The following PFKFB4 variants were observed in gnomAD, a reference collection of about 807,000 sequenced individuals.
PFKFB4 encodes the protein 6-phosphofructo-2-kinase/fructose-2,6-biphosphatase 4, also known as 6-phosphofructo-2-kinase/fructose-2,6-bisphosphatase 4.
PFKFB4 carries 42 observed loss-of-function variants against 62.8 expected under a neutral mutation model. The observed-to-expected ratio is 0.67, with a 90% CI of 0.52 to 0.86. The LOEUF is 0.86. Ranked by LOEUF, PFKFB4 falls within the 40% of genes least tolerant of loss-of-function variation. PFKFB4 has a pLI of 0.00. For missense variants in PFKFB4, 475 were observed against 627.2 expected (o/e 0.76, Z 2.59); for synonymous variants, 204 against 240.7 (o/e 0.85, Z 1.41).
rs2042017487 is a variant in PFKFB4 at position 48,519,370 on chromosome 3, A to G, written c.*377T>C. ...GGTCCATGCTGGGCAGCTGGGCCAC[A>G]GTAGGAACATCACAGCAAGCACTTT... On this transcript the variant is annotated 3_prime_UTR_variant, in exon 14 of 14. Coordinates refer to ENST00000232375, the MANE Select transcript of PFKFB4 (RefSeq NM_004567.4). 5.3e-6 allele frequency: 1 copy of G among 186,954 alleles called. No individual in the cohort carries two copies. Among genetic ancestry groups the G allele is most frequent in the Non-Finnish European group, 1.1e-5 (1 of 89,142 alleles). 11.6% of individuals were successfully genotyped at this position (186,954 alleles called of 1,614,324 possible).
chr3:48,539,416 T>C, intron 5 of PFKFB4, 106 bp from the exon 6 acceptor site: 1 of 1,003,752 alleles, frequency 1.0e-6, no homozygotes, highest in Non-Finnish European at 1.6e-6. Context: ...AGGCCCATGC[T>C]GACAAGCAGC....
At position 48,538,572 on chromosome 3, in the gene PFKFB4, C is replaced by T. The variant is rs753112897; in HGVS notation, c.558G>A (p.Glu186=). 13 of 1,614,078 alleles carry T rather than the reference C, an allele frequency of 8.1e-6. No homozygotes were observed. The highest frequency in any genetic ancestry group is 1.7e-5 in the Admixed American group (1 of 59,984). ...TGCGCCTCATGAAGTCCTCCGTAGCCTCATCACTGTCGCGGTTGACATAGT... is the reference window on the plus strand; with the variant it reads ...TGCGCCTCATGAAGTCCTCCGTAGCTTCATCACTGTCGCGGTTGACATAGT... The part of the protein sequence containing the change: ...SPDYVNRDSD[E]ATEDFMRRIE... Residue 186 remains glutamate (E), a synonymous_variant, in exon 7 of 14, where the codon GAG becomes GAA. Transcript: ENST00000232375.
At chr3:48,561,415 GC>G (rs2043432290), upstream of PFKFB4, among the ~76,000 whole-genome samples, 1 of 152,282 alleles carries the variant, frequency 6.6e-6, no homozygotes, top group African/African-American at 2.4e-5. This position sits in a 1 kb window ranked among gnomAD's most constrained non-coding sequence, Gnocchi z 5.2. Flanking sequence ...CAGAGTGCCT[GC>G]CCCCTCTGCG....
chr3:48,554,870 G>A (rs1298234112), intron 1 of PFKFB4, among the ~76,000 whole-genome samples: 2 of 152,006 alleles, frequency 1.3e-5, no homozygotes, highest in Non-Finnish European at 2.9e-5. Flanking sequence ...TGGCCAACAT[G>A]GTGAAACTCC....
In PFKFB4 at chr3:48,519,549, G is replaced by T; in HGVS notation, c.*198C>A. 1 of 577,422 alleles carries T rather than the reference G, an allele frequency of 1.7e-6. No homozygotes were observed. The highest frequency in any genetic ancestry group is 3.1e-6 in the Non-Finnish European group (1 of 321,452). 35.8% of individuals were successfully genotyped at this position (577,422 alleles called of 1,614,324 possible). ...CAAGTGACTCTTAGCAGCAGGTCAG[G>T]AGCCACGCACAACCTTGTCGCCGAC... On this transcript the variant is annotated 3_prime_UTR_variant, in exon 14 of 14. Coordinates refer to ENST00000232375, the MANE Select transcript of PFKFB4 (RefSeq NM_004567.4).
chr3:48,536,624 G>A (rs1421131937), intron 7 of PFKFB4, 161 bp from the exon 8 acceptor site: 4 of 615,264 alleles, frequency 6.5e-6, no homozygotes, highest in Admixed American at 5.5e-5. Context: ...ATGGGGGTGA[G>A]GCGGGAGCAA....
chr3:48,556,486 C>T lies in PFKFB4; in HGVS notation c.97+195G>A, dbSNP rs2043325263. Among the ~76,000 whole-genome samples the T allele has an allele frequency of 1.3e-5, 2 of 152,022 alleles. No homozygotes were observed. Among genetic ancestry groups the T allele is most frequent in the African/African-American group, 4.8e-5 (2 of 41,376 alleles). On this transcript the variant is annotated intron_variant, in intron 1 of 13. Transcript: ENST00000232375. The surrounding 1 kb of genome is among the most constrained non-coding windows in gnomAD (Gnocchi z 5.7). ...ACACCTGTCCCCGCCCCCTGCTCTG[C>T]CACACCTGTCTCTGGCCCACCACTG... is the stretch of plus-strand genomic sequence containing the variant.
intron 5 of PFKFB4, 49 bp downstream of exon 5, chr3:48,539,648 A>G (rs777033400): frequency 1.5e-5 from 22 of 1,464,950 alleles, no homozygotes; most frequent in Non-Finnish European, 2.0e-5. Context: ...CCTGGAGGGC[A>G]GGGGACATGC....
chr3:48,541,729 G>GC (rs2042804777), intron 4 of PFKFB4, among the ~76,000 whole-genome samples: 1 of 152,198 alleles, frequency 6.6e-6, no homozygotes. Context: ...ACTTTCGGAG[G>GC]CTGGGGCAGG....
At chr3:48,550,476 C>T (rs867651707) in intron 1 of PFKFB4, among the ~76,000 whole-genome samples, 1 of 152,154 alleles carries the variant, frequency 6.6e-6, no homozygotes, top group Non-Finnish European at 1.5e-5. Context: ...ATCTCTCCAG[C>T]CCTTTTCATC....
chr3:48,545,845 G>A (rs1465716678), intron 3 of PFKFB4, among the ~76,000 whole-genome samples: 1 of 152,128 alleles, frequency 6.6e-6, no homozygotes, highest in African/African-American at 2.4e-5. Flanking sequence ...AAAAACATCT[G>A]AATTCTGAGA....
At chr3:48,531,659 G>A (rs1282228902) in intron 9 of PFKFB4, among the ~76,000 whole-genome samples, 1 of 151,792 alleles carries the variant, frequency 6.6e-6, no homozygotes, top group Non-Finnish European at 1.5e-5. Flanking sequence ...TGGGTATGGT[G>A]ATGTGTGCCT....
intron 9 of PFKFB4, among the ~76,000 whole-genome samples, chr3:48,531,422 G>T (rs942989440): frequency 3.3e-5 from 5 of 150,856 alleles, no homozygotes; most frequent in Admixed American, 6.6e-5. Context: ...ACTTGAACCC[G>T]GGAAGCAGAA....
chr3:48,553,401 G>A (rs1179621683), intron 1 of PFKFB4, among the ~76,000 whole-genome samples: 1 of 152,130 alleles, frequency 6.6e-6, no homozygotes, highest in Non-Finnish European at 1.5e-5. Context: ...TTTAACACAG[G>A]AGGCAGAGGT....
Position 48,523,553 on chromosome 3 carries a change from C to CAA in PFKFB4, c.1268_1269insTT (p.Thr424Ter). Reference sequence around the variant, plus strand: ...CTTCCTTACCATATGCCACAGGAGTCAGCTTCAGGACTGTGTGCAGCGGAC... The same window carrying CAA: ...CTTCCTTACCATATGCCACAGGAGTCAAAGCTTCAGGACTGTGTGCAGCGGAC... On this transcript the variant is annotated frameshift_variant, in exon 12 of 14. Coordinates refer to ENST00000232375, the MANE Select transcript of PFKFB4 (RefSeq NM_004567.4). LOFTEE classifies it high-confidence loss of function. 1.9e-6 allele frequency: 3 copies of CAA among 1,614,100 alleles called. No homozygotes were observed. Among genetic ancestry groups the CAA allele is most frequent in the Non-Finnish European group, 2.5e-6 (3 of 1,179,996 alleles).
intron 1 of PFKFB4, among the ~76,000 whole-genome samples, chr3:48,552,687 T>C (rs546821025): frequency 4.4e-4 from 67 of 152,294 alleles, no homozygotes; most frequent in Admixed American, 1.6e-3. Context: ...TCTACCCTGC[T>C]CCCGCTGATG....
intron 1 of PFKFB4, among the ~76,000 whole-genome samples, chr3:48,553,073 T>C (rs1034331101): frequency 6.6e-6 from 1 of 152,192 alleles, no homozygotes; most frequent in African/African-American, 2.4e-5. Flanking sequence ...AGGGAACACA[T>C]TGCAGCTCTC....
intron 6 of PFKFB4, 104 bp from the exon 7 acceptor site, chr3:48,538,723 G>A: frequency 6.8e-7 from 1 of 1,475,092 alleles, no homozygotes; most frequent in Admixed American, 1.9e-5. Flanking sequence ...GGTTGCACCG[G>A]AGACCAGTGC....
At chr3:48,535,859 G>C (rs1301521095) in intron 8 of PFKFB4, among the ~76,000 whole-genome samples, 1 of 152,184 alleles carries the variant, frequency 6.6e-6, no homozygotes, top group Non-Finnish European at 1.5e-5. Flanking sequence ...CCCAGACCCT[G>C]AGCACAGCAG....
Sources: gnomAD v4.1 joint callset for allele counts (sites outside exome capture counted in the v4.1 genomes callset) on GRCh38, gnomAD v4.1.1 for gene constraint, Gnocchi (gnomAD v3.1) non-coding constraint, MANE v1.5 for transcripts, NCBI Gene and HGNC (gene_info 2026-07-23, HGNC 2026-07-21) for gene names.